DAB2: variants seen among roughly 807,000 people sequenced by gnomAD.
The protein encoded by DAB2 is disabled homolog 2.
A neutral mutation model predicts 71.6 loss-of-function variants in DAB2; 28 were observed. That is an observed-to-expected ratio of 0.39 (90% CI 0.29 to 0.54). The LOEUF (loss-of-function observed/expected upper bound fraction) is 0.54, where lower values mean the gene tolerates loss of function less well. DAB2 is among the 20% of genes least tolerant of loss of function. The probability of loss-of-function intolerance (pLI) is 0.68; values close to 1 mark genes in which losing one functional copy is unlikely to be tolerated. For missense variants in DAB2, 867 were observed against 928.8 expected (o/e 0.93, Z 0.86); for synonymous variants, 345 against 339.7 (o/e 1.02, Z -0.17).
chr5:39,410,227 A>AC (rs147558818), intron 1 of DAB2, among the ~76,000 whole-genome samples: 2,246 of 152,224 alleles, frequency 0.015, 41 homozygotes, highest in African/African-American at 0.052. Context: ...TCAAGTCTTG[A>AC]CTACTCCATT....
At chr5:39,398,214 G>GT (rs201938951) in intron 1 of DAB2, among the ~76,000 whole-genome samples, 4,196 of 152,312 alleles carry the variant, frequency 0.028, 89 homozygotes, top group South Asian at 0.086. Flanking sequence ...ACTTTGAGGG[G>GT]TTTTGGGGGA....
intron 1 of DAB2, among the ~76,000 whole-genome samples, chr5:39,395,797 C>CCATTCTTAACTCAGGAGTTAA (rs1439659263): frequency 6.6e-6 from 1 of 152,062 alleles, no homozygotes; most frequent in South Asian, 2.1e-4. Context: ...AGACTCAAAG[C>CCATTCTTAACTCAGGAGTTAA]CATTCTTAAC....
rs772993781 is a variant in DAB2 at position 39,383,168 on chromosome 5, G to C, written c.791C>G (p.Ser264Cys). 3.1e-6 allele frequency: 5 copies of C among 1,614,130 alleles called. No individual in the cohort carries two copies. The South Asian group carries it at 5.5e-5, about 18-fold the overall frequency. ...TGCCTGAGGCGTTGGTCGAGGAAGAGAACAGGAGGTGATGCCGTTTGTTAA... is the reference window on the plus strand; with the variant it reads ...TGCCTGAGGCGTTGGTCGAGGAAGACAACAGGAGGTGATGCCGTTTGTTAA... The part of the protein sequence containing the change: ...PFLTNGITSC[S>C]LPRPTPQASF... The change falls in exon 10 of 15, where the codon TCT becomes TGT. Residue 264 changes from serine (S) to cysteine (C), a missense_variant. Ser to Cys is a moderately radical substitution (Grantham distance 112). Transcript: ENST00000320816.
intron 4 of DAB2, 52 bp from the exon 5 acceptor site, chr5:39,390,627 C>A: frequency 7.0e-7 from 1 of 1,427,832 alleles, no homozygotes. Flanking sequence ...AATCTATTTG[C>A]AGGCTAGCAC....
chr5:39,386,313 T>C (rs1040507514), intron 9 of DAB2, among the ~76,000 whole-genome samples: 2 of 152,192 alleles, frequency 1.3e-5, no homozygotes, highest in African/African-American at 4.8e-5. Flanking sequence ...GTGACAACCA[T>C]CTAGGACCAA....
chr5:39,396,472 G>C (rs1421422081), intron 1 of DAB2, among the ~76,000 whole-genome samples: 1 of 152,222 alleles, frequency 6.6e-6, no homozygotes, highest in African/African-American at 2.4e-5. Context: ...CTCAATGTCT[G>C]GGATATAGAT....
chr5:39,400,156 G>T (rs1362675786), intron 1 of DAB2, among the ~76,000 whole-genome samples: 2 of 152,078 alleles, frequency 1.3e-5, no homozygotes, highest in African/African-American at 4.8e-5. Flanking sequence ...AACATTAAGG[G>T]GAATGGGACA....
intron 1 of DAB2, among the ~76,000 whole-genome samples, chr5:39,416,780 T>G (rs1755855254): frequency 6.6e-6 from 1 of 152,104 alleles, no homozygotes; most frequent in Non-Finnish European, 1.5e-5. Context: ...CTCAATTCAA[T>G]AAAGCTTTTG....
chr5:39,395,245 G>T (rs1033604217), intron 1 of DAB2, among the ~76,000 whole-genome samples: 15 of 151,956 alleles, frequency 9.9e-5, no homozygotes, highest in African/African-American at 3.6e-4. Context: ...ATATGCTGTA[G>T]AGAGAGCTAG....
intron 1 of DAB2, among the ~76,000 whole-genome samples, chr5:39,411,645 T>C (rs1755731889): frequency 6.6e-6 from 1 of 152,200 alleles, no homozygotes. Context: ...TTTCCTTAGC[T>C]GAACGCTATA....
chr5:39,390,601 T>C (rs35351629), intron 4 of DAB2, 26 bp from the exon 5 acceptor site: 1 of 1,577,488 alleles, frequency 6.3e-7, no homozygotes, highest in Non-Finnish European at 8.7e-7. Context: ...AAAGAGTAAT[T>C]TATTAAGAAA....
At chr5:39,404,586 GT>G (rs1236679184) in intron 1 of DAB2, among the ~76,000 whole-genome samples, 20 of 147,282 alleles carry the variant, frequency 1.4e-4, no homozygotes, top group Middle Eastern at 3.4e-3. Context: ...TGGTTTTTGG[GT>G]TTTTTTTTTG....
chr5:39,423,544 G>A (rs1756036062), intron 1 of DAB2, among the ~76,000 whole-genome samples: 1 of 152,102 alleles, frequency 6.6e-6, no homozygotes, highest in Non-Finnish European at 1.5e-5. Context: ...ACAGCCAGTA[G>A]GTGCTTTTGT....
chr5:39,408,052 A>G (rs1400221097), intron 1 of DAB2, among the ~76,000 whole-genome samples: 1 of 152,220 alleles, frequency 6.6e-6, no homozygotes, highest in Non-Finnish European at 1.5e-5. Context: ...GAAAAGCCCC[A>G]TATTTATATA....
intron 11 of DAB2, among the ~76,000 whole-genome samples, chr5:39,378,563 C>T (rs1354493233): frequency 6.6e-6 from 1 of 152,210 alleles, no homozygotes; most frequent in East Asian, 1.9e-4. Context: ...TATTACCTGA[C>T]TCCATTCTCA....
intron 1 of DAB2, among the ~76,000 whole-genome samples, chr5:39,395,937 C>CTTTGTTTTT (rs1755356400): frequency 2.7e-5 from 2 of 74,858 alleles, no homozygotes; most frequent in Non-Finnish European, 4.6e-5. Context: ...CACAGATATT[C>CTTTGTTTTT]TTTTTTTTTT....
At chr5:39,415,904 T>C (rs1270457518) in intron 1 of DAB2, among the ~76,000 whole-genome samples, 1 of 152,176 alleles carries the variant, frequency 6.6e-6, no homozygotes, top group African/African-American at 2.4e-5. Context: ...CGTATGCAGA[T>C]ATACCTAAAA....
At chr5:39,388,699 A>G in intron 8 of DAB2, 100 bp downstream of exon 8, 1 of 961,114 alleles carries the variant, frequency 1.0e-6, no homozygotes, top group South Asian at 1.6e-5. Flanking sequence ...TTGGATTTTC[A>G]TATAGATTCA....
At chr5:39,403,056 T>A (rs1755538009) in intron 1 of DAB2, among the ~76,000 whole-genome samples, 1 of 152,208 alleles carries the variant, frequency 6.6e-6, no homozygotes, top group Admixed American at 6.5e-5. Context: ...TATCAATATA[T>A]TTTAAAGATT....
Sources: allele counts gnomAD v4.1 joint callset (sites outside exome capture counted in the v4.1 genomes callset), GRCh38; gene constraint gnomAD v4.1.1; transcripts MANE v1.5; gene names NCBI Gene and HGNC (gene_info 2026-07-23, HGNC 2026-07-21).